The following SGK3 variants were observed in gnomAD, a reference collection of about 807,000 sequenced individuals.
SGK3 encodes serine/threonine-protein kinase Sgk3.
SGK3 carries 47 observed loss-of-function variants against 68.5 expected under a neutral mutation model. That is an observed-to-expected ratio of 0.69 (90% CI 0.54 to 0.87). The LOEUF (loss-of-function observed/expected upper bound fraction) is 0.87. Ranked by LOEUF, SGK3 falls within the 40% of genes least tolerant of loss-of-function variation. The pLI is 0.00. For synonymous variants in SGK3, 181 were observed against 189.1 expected (o/e 0.96, Z 0.35); for missense variants, 479 against 575.5 (o/e 0.83, Z 1.72).
At chr8:66,725,287 G>T (rs1202417689) in intron 1 of SGK3, among the ~76,000 whole-genome samples, 1 of 152,010 alleles carries the variant, frequency 6.6e-6, no homozygotes, top group Non-Finnish European at 1.5e-5. Flanking sequence ...TGTAATCCCA[G>T]CTACTTGGGA....
chr8:66,822,374 C>T lies in SGK3; in HGVS notation c.332C>T (p.Pro111Leu), dbSNP rs1363750277. Residue 111 changes from proline (P) to leucine (L), a missense_variant and splice_region_variant, in exon 6 of 17, where the codon CCA becomes CTA. By Grantham distance (98) the Pro-to-Leu change is moderately conservative (BLOSUM62 -3). Around this residue, in one of 3 missense-constraint regions of SGK3, gnomAD observed 298 missense variants for 329.4 expected, o/e 0.90. Coordinates refer to ENST00000521198, the MANE Select transcript of SGK3 (RefSeq NM_001033578.3). The part of the protein sequence containing the change: ...LVRYPELYNH[P>L]DVRAFLQMDS... ...ATAAAGTTAATTTTTGTTTTTAGTC[C>T]AGATGTCAGAGCATTCCTTCAAATG... The T allele has an allele frequency of 9.4e-6, 15 of 1,598,428 alleles. No homozygotes were observed. Among genetic ancestry groups the T allele is most frequent in the Non-Finnish European group, 1.2e-5 (14 of 1,172,964 alleles).
chr8:66,764,768 T>C (rs1806268833), intron 1 of SGK3, among the ~76,000 whole-genome samples: 2 of 152,362 alleles, frequency 1.3e-5, no homozygotes, highest in Admixed American at 6.5e-5. Context: ...TGTAACATTA[T>C]GCTAAATGAA....
At chr8:66,825,971 TCTTC>T (rs1275076492) in intron 6 of SGK3, among the ~76,000 whole-genome samples, 1 of 152,056 alleles carries the variant, frequency 6.6e-6, no homozygotes, top group African/African-American at 2.4e-5. Context: ...TATTTAATCC[TCTTC>T]CTTCATCTTT....
chr8:66,721,446 GA>G (rs1344496829), intron 1 of SGK3, among the ~76,000 whole-genome samples: 4 of 152,062 alleles, frequency 2.6e-5, no homozygotes, highest in Non-Finnish European at 5.9e-5. Context: ...AAGCAAAATG[GA>G]TACTAATCAT....
intron 1 of SGK3, among the ~76,000 whole-genome samples, chr8:66,768,785 G>A (rs771668141): frequency 6.6e-6 from 1 of 151,988 alleles, no homozygotes; most frequent in African/African-American, 2.4e-5. Context: ...GGCTCGTCTC[G>A]AACTCCTGAC....
chr8:66,841,656 C>CTT (rs1180339539), intron 13 of SGK3, among the ~76,000 whole-genome samples: 1 of 152,114 alleles, frequency 6.6e-6, no homozygotes, highest in Non-Finnish European at 1.5e-5. Flanking sequence ...ATTGGTTTCT[C>CTT]TTGTTTTTTA....
At chr8:66,855,272 G>A (rs1237647650) in intron 16 of SGK3, among the ~76,000 whole-genome samples, 1 of 152,150 alleles carries the variant, frequency 6.6e-6, no homozygotes, top group Admixed American at 6.5e-5. Context: ...GTGCAATCTC[G>A]GCTCACTGAA....
chr8:66,720,795 A>ATATAT (rs1554590881), intron 1 of SGK3, among the ~76,000 whole-genome samples: 1 of 150,764 alleles, frequency 6.6e-6, no homozygotes, highest in Admixed American at 6.6e-5. Flanking sequence ...ATATATATAT[A>ATATAT]ATTAGCCAGG....
intron 1 of SGK3, among the ~76,000 whole-genome samples, chr8:66,735,100 T>C (rs1563601045): frequency 6.6e-6 from 1 of 152,220 alleles, no homozygotes; most frequent in Non-Finnish European, 1.5e-5. Flanking sequence ...AATTAAACTT[T>C]ATCCATAGGT....
At chr8:66,766,769 C>A (rs2130476415) in intron 1 of SGK3, among the ~76,000 whole-genome samples, 1 of 152,232 alleles carries the variant, frequency 6.6e-6, no homozygotes, top group South Asian at 2.1e-4. Context: ...TAAATTGGCC[C>A]CTTTACCATT....
At chr8:66,729,125 A>G (rs1453295568) in intron 1 of SGK3, among the ~76,000 whole-genome samples, 1 of 151,522 alleles carries the variant, frequency 6.6e-6, no homozygotes. Flanking sequence ...AGGCTGAGGC[A>G]GGAGAATGGA....
At chr8:66,759,198 G>A (rs1375660869) in intron 1 of SGK3, among the ~76,000 whole-genome samples, 2 of 150,032 alleles carry the variant, frequency 1.3e-5, no homozygotes, top group African/African-American at 4.9e-5. Context: ...TGATTCTCCT[G>A]CCTCAGCCTC....
At chr8:66,796,321 ATTTTTTTTTTTTTTTTTTT>A (rs71249408) in intron 2 of SGK3, among the ~76,000 whole-genome samples, 2 of 41,362 alleles carry the variant, frequency 4.8e-5, no homozygotes. Flanking sequence ...TATTTTTTGT[ATTTTTTTTTTTTTTTTTTT>A]TTTTTTTTTT....
In SGK3 at chr8:66,844,009, A is replaced by C. The variant is rs939632631; in HGVS notation, c.1074+462A>C. On this transcript the variant is annotated intron_variant, in intron 14 of 16. Coordinates refer to ENST00000521198, the MANE Select transcript of SGK3 (RefSeq NM_001033578.3). ...ACTCTGTCTCAAAAAAAAAAAAAAA[A>C]AAAAAAAAAACCCTTTTTATTTGTT... 7.1e-3 allele frequency among the ~76,000 whole-genome samples: 1,073 copies of C among 151,182 alleles called. 14 individuals are homozygous for C. The highest frequency in any genetic ancestry group is 0.025 in the African/African-American group (1,023 of 41,000).
intron 8 of SGK3, 58 bp downstream of exon 8, chr8:66,831,369 CAG>C (rs1385723109): frequency 6.3e-7 from 1 of 1,585,856 alleles, no homozygotes; most frequent in African/African-American, 1.4e-5. Context: ...TTTTTGGAGA[CAG>C]GGTCTCACTC....
chr8:66,840,479 A>G (rs562045657), intron 12 of SGK3, among the ~76,000 whole-genome samples: 1 of 152,340 alleles, frequency 6.6e-6, no homozygotes, highest in African/African-American at 2.4e-5. Flanking sequence ...TGGTGGTTAC[A>G]CAAATCTATA....
chr8:66,842,832 A>C (rs1459011002), intron 13 of SGK3, among the ~76,000 whole-genome samples: 1 of 152,050 alleles, frequency 6.6e-6, no homozygotes, highest in Non-Finnish European at 1.5e-5. Flanking sequence ...ACTTTGGGAG[A>C]CCAAAGTGGG....
intron 5 of SGK3, among the ~76,000 whole-genome samples, chr8:66,816,266 T>C (rs1437245723): frequency 6.6e-6 from 1 of 151,840 alleles, no homozygotes; most frequent in Non-Finnish European, 1.5e-5. Context: ...CCTCCCAAAG[T>C]GCTGAGACTA....
chr8:66,841,402 T>G (rs1585799322), intron 13 of SGK3, among the ~76,000 whole-genome samples: 1 of 152,144 alleles, frequency 6.6e-6, no homozygotes, highest in South Asian at 2.1e-4. Flanking sequence ...TATATTTCTT[T>G]TTTTGTTTTT....
Sources: gnomAD v4.1 joint callset for allele counts (sites outside exome capture counted in the v4.1 genomes callset) on GRCh38, gnomAD v4.1.1 for gene constraint, gnomAD v4.1.1 regional missense constraint, MANE v1.5 for transcripts, NCBI Gene and HGNC (gene_info 2026-07-23, HGNC 2026-07-21) for gene names.